Variants in B3GALT1 observed in about 807,000 individuals in gnomAD.
B3GALT1 encodes UDP-Gal:betaGlcNAc beta 1,3-galactosyltransferase, polypeptide 1.
In B3GALT1, 10 loss-of-function variants were observed where a neutral mutation model predicts 23.2. The ratio of observed to expected loss-of-function variants is 0.43; its 90% confidence interval spans 0.27 to 0.73. B3GALT1 has a LOEUF of 0.73. Among genes scored for constraint, B3GALT1 ranks in the 30% least tolerant of loss-of-function variants. The pLI is 0.21. For synonymous variants in B3GALT1, 156 were observed against 141.5 expected, an observed-to-expected ratio of 1.10 and a Z score of -0.73; for missense variants, 299 against 405.4, an observed-to-expected ratio of 0.74 and a Z score of 2.25.
At position 167,644,349 on chromosome 2, in the gene B3GALT1, G is replaced by C. The variant is rs561509054; in HGVS notation, c.-409-2560G>C. 8.5e-5 allele frequency among the ~76,000 whole-genome samples: 13 copies of C among 152,150 alleles called. No homozygotes were observed. The South Asian group carries it at 2.5e-3, about 29-fold the overall frequency. On this transcript the variant is annotated intron_variant, in intron 2 of 4. Transcript: ENST00000392690. ...ATTATATCTTTAAAAAATGGGAAGG[G>C]ACAATTTCCTGGAAGACTTGAAAGG...
Position 167,656,491 on chromosome 2 carries a change from A to G in B3GALT1, c.-352+9525A>G, listed in dbSNP as rs138814641. ...TTACAAAGTATTAACAACTTTTTCA[A>G]TCCTCTTTTACATGCATTTTCCTGA... On this transcript the variant is annotated intron_variant, in intron 3 of 4. Coordinates refer to ENST00000392690, the MANE Select transcript of B3GALT1 (RefSeq NM_020981.4). 2.9e-3 allele frequency among the ~76,000 whole-genome samples: 439 copies of G among 152,272 alleles called. 3 individuals are homozygous for G. Among genetic ancestry groups the G allele is most frequent in the African/African-American group, 9.8e-3 (408 of 41,570 alleles).
intron 1 of B3GALT1, among the ~76,000 whole-genome samples, chr2:167,359,182 C>T (rs1697461904): frequency 6.6e-6 from 1 of 152,026 alleles, no homozygotes; most frequent in African/African-American, 2.4e-5. Flanking sequence ...TAAAAATATC[C>T]TTGTAAATTT....
chr2:167,767,370 CT>C (rs35906809), intron 3 of B3GALT1, among the ~76,000 whole-genome samples: 1 of 152,178 alleles, frequency 6.6e-6, no homozygotes, highest in Non-Finnish European at 1.5e-5. Flanking sequence ...TCCCCATAAA[CT>C]TTTTGTAAAG....
chr2:167,484,684 A>G (rs1699600683), intron 1 of B3GALT1, among the ~76,000 whole-genome samples: 1 of 152,006 alleles, frequency 6.6e-6, no homozygotes, highest in Non-Finnish European at 1.5e-5. Context: ...AAGTCTCATA[A>G]GTGGCTACCC....
rs573008536 is a variant in B3GALT1 at position 167,827,312 on chromosome 2, G to A, written c.-230+8519G>A. ...CCAGTCACGGTAAGCAGGGTACAAG[G>A]TGGTCTATTTAGTCACAAAGAACAA... is the stretch of plus-strand genomic sequence containing the variant. On this transcript the variant is annotated intron_variant, in intron 4 of 4. Coordinates refer to ENST00000392690, the MANE Select transcript of B3GALT1 (RefSeq NM_020981.4). Among the ~76,000 whole-genome samples the A allele has an allele frequency of 1.2e-4, 18 of 152,332 alleles. No individual in the cohort carries two copies. The South Asian group carries it at 3.7e-3, about 32-fold the overall frequency.
At chr2:167,550,011 T>C (rs903739478) in intron 2 of B3GALT1, among the ~76,000 whole-genome samples, 3 of 152,196 alleles carry the variant, frequency 2.0e-5, no homozygotes, top group Non-Finnish European at 4.4e-5. Flanking sequence ...AATTTCCAAT[T>C]CTAGTTTTGA....
chr2:167,327,610 T>TA (rs1696914891), intron 1 of B3GALT1, among the ~76,000 whole-genome samples: 2 of 151,190 alleles, frequency 1.3e-5, no homozygotes, highest in South Asian at 4.1e-4. Flanking sequence ...TATCAACTCT[T>TA]AGAGATTTTT....
intron 1 of B3GALT1, among the ~76,000 whole-genome samples, chr2:167,319,082 T>G (rs1193967146): frequency 6.6e-6 from 1 of 152,124 alleles, no homozygotes; most frequent in Admixed American, 6.5e-5. Flanking sequence ...TAGACACCAT[T>G]GTCTTGCTCT....
intron 1 of B3GALT1, among the ~76,000 whole-genome samples, chr2:167,353,223 TA>T (rs941157514): frequency 6.6e-6 from 1 of 152,178 alleles, no homozygotes; most frequent in Non-Finnish European, 1.5e-5. Context: ...ATATACAGGA[TA>T]ATTGGGACAC....
At chr2:167,427,069 A>G (rs1355457599) in intron 1 of B3GALT1, among the ~76,000 whole-genome samples, 1 of 152,248 alleles carries the variant, frequency 6.6e-6, no homozygotes, top group Non-Finnish European at 1.5e-5. Flanking sequence ...CAGACATTAT[A>G]TTGAGCAAAA....
At chr2:167,634,563 T>C (rs1358976897) in intron 2 of B3GALT1, among the ~76,000 whole-genome samples, 1 of 152,132 alleles carries the variant, frequency 6.6e-6, no homozygotes, top group Non-Finnish European at 1.5e-5. Context: ...CAGAGAATGC[T>C]ATAAACACAT....
At chr2:167,396,792 A>G (rs1286905603) in intron 1 of B3GALT1, among the ~76,000 whole-genome samples, 1 of 151,980 alleles carries the variant, frequency 6.6e-6, no homozygotes, top group Non-Finnish European at 1.5e-5. Context: ...TAGTATTTCC[A>G]AAAACTAATG....
chr2:167,580,951 A>T (rs186716069), intron 2 of B3GALT1, among the ~76,000 whole-genome samples: 6 of 152,284 alleles, frequency 3.9e-5, no homozygotes, highest in African/African-American at 1.2e-4. Flanking sequence ...TTGATTTTTT[A>T]AAATTTGGGA....
At chr2:167,804,610 G>C (rs1688710969) in intron 3 of B3GALT1, among the ~76,000 whole-genome samples, 1 of 152,052 alleles carries the variant, frequency 6.6e-6, no homozygotes, top group Admixed American at 6.6e-5. Flanking sequence ...AGTTTGCTGA[G>C]AATGATGGTT....
chr2:167,745,696 T>C (rs911434228), intron 3 of B3GALT1, among the ~76,000 whole-genome samples: 3 of 152,218 alleles, frequency 2.0e-5, no homozygotes, highest in Non-Finnish European at 4.4e-5. Flanking sequence ...CTCTGTTATG[T>C]TGAAAACCAT....
chr2:167,472,063 T>G (rs1699425190), intron 1 of B3GALT1, among the ~76,000 whole-genome samples: 1 of 152,208 alleles, frequency 6.6e-6, no homozygotes, highest in African/African-American at 2.4e-5. Flanking sequence ...TTTCTTGCCA[T>G]GAATGGTAAT....
At chr2:167,314,680 CA>C (rs1696684919) in intron 1 of B3GALT1, among the ~76,000 whole-genome samples, 1 of 152,002 alleles carries the variant, frequency 6.6e-6, no homozygotes, top group South Asian at 2.1e-4. Flanking sequence ...TATGTGGACA[CA>C]TTTTTTTTCT....
chr2:167,359,570 A>G (rs866577806), intron 1 of B3GALT1, among the ~76,000 whole-genome samples: 72 of 152,220 alleles, frequency 4.7e-4, no homozygotes, highest in African/African-American at 1.7e-3. Flanking sequence ...AGTACTACCT[A>G]TGGGCAGCAG....
intron 4 of B3GALT1, among the ~76,000 whole-genome samples, chr2:167,857,763 A>G (rs1225563777): frequency 3.9e-5 from 6 of 152,100 alleles, no homozygotes; most frequent in Non-Finnish European, 7.4e-5. Flanking sequence ...TTAAAAAGCT[A>G]CTCTGCCAAA....
Sources: allele counts gnomAD v4.1 joint callset (sites outside exome capture counted in the v4.1 genomes callset), GRCh38; gene constraint gnomAD v4.1.1; transcripts MANE v1.5; gene names NCBI Gene and HGNC (gene_info 2026-07-23, HGNC 2026-07-21).